The following TMEM74 variants were observed in gnomAD, a reference collection of about 807,000 sequenced individuals.
The protein encoded by TMEM74 is transmembrane protein 74.
TMEM74 carries 13 observed loss-of-function variants against 18.1 expected under a neutral mutation model. That is an observed-to-expected ratio of 0.72 (90% CI 0.47 to 1.14). The LOEUF (loss-of-function observed/expected upper bound fraction) is 1.14. Among genes scored for constraint, TMEM74 ranks in the 50% most tolerant of loss-of-function variants. TMEM74 has a pLI of 0.00. For missense variants in TMEM74, 372 were observed against 375.9 expected, an observed-to-expected ratio of 0.99 and a Z score of 0.09; for synonymous variants, 159 against 146.6, an observed-to-expected ratio of 1.08 and a Z score of -0.61.
intron 1 of TMEM74, among the ~76,000 whole-genome samples, chr8:108,771,117 T>C (rs963366455): frequency 3.3e-5 from 5 of 152,200 alleles, no homozygotes; most frequent in African/African-American, 1.2e-4. Flanking sequence ...TACTATTTTC[T>C]CTAATTAGGC....
At chr8:108,699,820 G>A (rs1813317986) in intron 1 of TMEM74, among the ~76,000 whole-genome samples, 1 of 152,172 alleles carries the variant, frequency 6.6e-6, no homozygotes, top group South Asian at 2.1e-4. Flanking sequence ...AGTGAGGTGA[G>A]TCAGCCTTTC....
chr8:108,745,979 C>G (rs552038697), intron 1 of TMEM74, among the ~76,000 whole-genome samples: 1 of 152,206 alleles, frequency 6.6e-6, no homozygotes, highest in East Asian at 1.9e-4. Flanking sequence ...ACACGCACCC[C>G]CTTAGAGTTG....
chr8:108,785,957 C>CCA (rs1390002739), intron 1 of TMEM74, among the ~76,000 whole-genome samples: 2 of 152,164 alleles, frequency 1.3e-5, no homozygotes, highest in Middle Eastern at 3.2e-3. Context: ...ACCCACTCCT[C>CCA]CACACACACA....
At chr8:108,656,665 A>T (rs1812824366) in intron 1 of TMEM74, among the ~76,000 whole-genome samples, 2 of 152,160 alleles carry the variant, frequency 1.3e-5, no homozygotes, top group South Asian at 4.1e-4. Context: ...TCCCTCAGTG[A>T]TGCCTAAGCA....
intron 1 of TMEM74, among the ~76,000 whole-genome samples, chr8:108,751,927 C>G (rs975748031): frequency 2.0e-5 from 3 of 152,054 alleles, no homozygotes; most frequent in Non-Finnish European, 4.4e-5. Flanking sequence ...ATGCAGGGAA[C>G]TTGCCTTACC....
chr8:108,624,203 A>T (rs772627565), intron 2 of TMEM74, among the ~76,000 whole-genome samples: 1 of 152,100 alleles, frequency 6.6e-6, no homozygotes, highest in Non-Finnish European at 1.5e-5. Context: ...TTGTCTGTGT[A>T]TGTAAGGGAA....
At chr8:108,756,797 G>GCA in intron 1 of TMEM74, among the ~76,000 whole-genome samples, 1 of 107,658 alleles carries the variant, frequency 9.3e-6, no homozygotes, top group African/African-American at 3.5e-5. Flanking sequence ...GGAGGGAAGG[G>GCA]GAGGAAGGAA....
intron 2 of TMEM74, among the ~76,000 whole-genome samples, chr8:108,645,817 T>G (rs1430727802): frequency 6.6e-6 from 1 of 152,076 alleles, no homozygotes; most frequent in African/African-American, 2.4e-5. Flanking sequence ...TCCCCAGGAA[T>G]CTGGTATGAT....
intron 2 of TMEM74, among the ~76,000 whole-genome samples, chr8:108,649,726 C>A (rs1320332470): frequency 1.3e-5 from 2 of 152,134 alleles, no homozygotes; most frequent in African/African-American, 4.8e-5. Flanking sequence ...TCCCTGAAAA[C>A]CCTAAGTTTG....
At chr8:108,670,901 C>T (rs772264236) in intron 1 of TMEM74, among the ~76,000 whole-genome samples, 1 of 151,970 alleles carries the variant, frequency 6.6e-6, no homozygotes, top group Non-Finnish European at 1.5e-5. Flanking sequence ...CCCATAAGAG[C>T]GAATCAAAGT....
In TMEM74 at chr8:108,779,888, A is replaced by G. The variant is rs1468046491; in HGVS notation, c.*4293T>C. Among the ~76,000 whole-genome samples the G allele has an allele frequency of 1.3e-5, 2 of 152,210 alleles. No individual in the cohort carries two copies. The highest frequency in any genetic ancestry group is 2.9e-5 in the Non-Finnish European group (2 of 68,022). On this transcript the variant is annotated 3_prime_UTR_variant, in exon 2 of 2. Coordinates refer to ENST00000297459, the MANE Select transcript of TMEM74 (RefSeq NM_153015.3). ...GTCTTGCTTTTTACAGTGTCAATTC[A>G]CTAGGCAGGCAAATTATTTCCCAAG...
chr8:108,701,820 C>CAA (rs1563529921), intron 1 of TMEM74, among the ~76,000 whole-genome samples: 1 of 152,122 alleles, frequency 6.6e-6, no homozygotes, highest in Non-Finnish European at 1.5e-5. Flanking sequence ...GTCAAGATGT[C>CAA]TTTTCTCCCC....
intron 2 of TMEM74, among the ~76,000 whole-genome samples, chr8:108,620,061 A>G (rs1319123959): frequency 6.6e-6 from 1 of 152,058 alleles, no homozygotes; most frequent in Non-Finnish European, 1.5e-5. Context: ...GGTAGGGGTA[A>G]TTATTTATTT....
chr8:108,671,915 G>A (rs1655529077), intron 1 of TMEM74, among the ~76,000 whole-genome samples: 1 of 152,168 alleles, frequency 6.6e-6, no homozygotes, highest in Non-Finnish European at 1.5e-5. Flanking sequence ...GGATGACAGT[G>A]ATTAATCAAT....
chr8:108,777,724 A>G (rs551846219), downstream of TMEM74, among the ~76,000 whole-genome samples: 1 of 152,336 alleles, frequency 6.6e-6, no homozygotes, highest in South Asian at 2.1e-4. Context: ...CTTATTAGTT[A>G]TATAACTTTG....
chr8:108,710,071 C>T (rs1355766603), intron 1 of TMEM74, among the ~76,000 whole-genome samples: 1 of 152,150 alleles, frequency 6.6e-6, no homozygotes, highest in Non-Finnish European at 1.5e-5. Flanking sequence ...GGGATAATAA[C>T]AGGATTACTT....
intron 2 of TMEM74, among the ~76,000 whole-genome samples, chr8:108,611,664 C>T (rs955107190): frequency 2.0e-5 from 3 of 152,160 alleles, no homozygotes; most frequent in Non-Finnish European, 4.4e-5. Flanking sequence ...TCCTCAGCAA[C>T]GTCTTTGGTT....
intron 2 of TMEM74, among the ~76,000 whole-genome samples, chr8:108,631,529 C>T (rs571160217): frequency 6.6e-6 from 1 of 152,036 alleles, no homozygotes; most frequent in Non-Finnish European, 1.5e-5. Flanking sequence ...TGGTTTGAGA[C>T]TAATGGGAAG....
At chr8:108,683,984 T>C (rs1477279149) in intron 1 of TMEM74, among the ~76,000 whole-genome samples, 2 of 152,134 alleles carry the variant, frequency 1.3e-5, no homozygotes, top group Non-Finnish European at 2.9e-5. Context: ...TACACCACAT[T>C]TTATTTATCC....
Sources: gnomAD v4.1 joint callset for allele counts (sites outside exome capture counted in the v4.1 genomes callset) on GRCh38, gnomAD v4.1.1 for gene constraint, MANE v1.5 for transcripts, NCBI Gene and HGNC (gene_info 2026-07-23, HGNC 2026-07-21) for gene names.